Variants in SMYD3 observed in about 807,000 individuals in gnomAD.
SMYD3 encodes SET and MYND domain containing 3.
SMYD3 carries 36 observed loss-of-function variants against 57.7 expected under a neutral mutation model. The ratio of observed to expected loss-of-function variants is 0.62; its 90% CI spans 0.48 to 0.82. The LOEUF is 0.82. Among genes scored for constraint, SMYD3 ranks in the 40% least tolerant of loss-of-function variants. SMYD3 has a pLI of 0.00. For missense variants in SMYD3, 515 were observed against 538.8 expected (o/e 0.96, Z 0.44); for synonymous variants, 211 against 195.0 (o/e 1.08, Z -0.68).
intron 5 of SMYD3, among the ~76,000 whole-genome samples, chr1:246,211,178 C>T (rs1479489645): frequency 1.3e-5 from 2 of 152,080 alleles, no homozygotes; most frequent in Non-Finnish European, 2.9e-5. Context: ...GAGGGAAGGT[C>T]AGTATAACAC....
intron 8 of SMYD3, among the ~76,000 whole-genome samples, chr1:245,884,496 G>C (rs917191799): frequency 7.2e-5 from 11 of 152,252 alleles, no homozygotes; most frequent in Admixed American, 3.3e-4. Context: ...GGGCCTGAGA[G>C]ATTGGGTGGA....
Position 246,151,269 on chromosome 1 carries a change from G to C in SMYD3, c.531+175932C>G, listed in dbSNP as rs111819094. On this transcript the variant is annotated intron_variant, in intron 5 of 11. Transcript: ENST00000490107. ...TCAAAAAAAAAAAAAAAAATTCCTTGAGGGGAAAAAATAGCCCCACAGCCC... is the reference window on the plus strand; with the variant it reads ...TCAAAAAAAAAAAAAAAAATTCCTTCAGGGGAAAAAATAGCCCCACAGCCC... Among the ~76,000 whole-genome samples the C allele has an allele frequency of 1.5e-3, 233 of 151,026 alleles. 1 individual carries two copies. Among genetic ancestry groups the C allele is most frequent in the African/African-American group, 5.2e-3 (215 of 41,166 alleles).
At chr1:246,479,140 T>G (rs1572040842) in intron 1 of SMYD3, among the ~76,000 whole-genome samples, 1 of 151,562 alleles carries the variant, frequency 6.6e-6, no homozygotes. Flanking sequence ...GGTACACAAG[T>G]GCTCATATAT....
intron 5 of SMYD3, among the ~76,000 whole-genome samples, chr1:246,269,552 TTTTG>T (rs1419524392): frequency 6.6e-6 from 1 of 151,154 alleles, no homozygotes; most frequent in Non-Finnish European, 1.5e-5. Flanking sequence ...TCTTTTTTTT[TTTTG>T]TTTTTGTTGT....
chr1:245,906,192 C>A (rs2054551770), intron 8 of SMYD3, among the ~76,000 whole-genome samples: 2 of 152,158 alleles, frequency 1.3e-5, no homozygotes, highest in Admixed American at 6.5e-5. Context: ...AAACAATCAG[C>A]AAAGCGAAGA....
intron 5 of SMYD3, among the ~76,000 whole-genome samples, chr1:246,156,760 G>C (rs568457412): frequency 9.8e-5 from 15 of 152,328 alleles, no homozygotes; most frequent in African/African-American, 3.6e-4. Flanking sequence ...ACGAAAGGGA[G>C]AGTCACAGAA....
intron 1 of SMYD3, among the ~76,000 whole-genome samples, chr1:246,426,529 C>T (rs889493838): frequency 1.2e-4 from 18 of 152,084 alleles, no homozygotes; most frequent in African/African-American, 2.2e-4. Context: ...CTTTTATGTC[C>T]GGCTTCTTTC....
chr1:245,850,631 G>GA (rs2050921264), intron 10 of SMYD3, among the ~76,000 whole-genome samples: 1 of 151,986 alleles, frequency 6.6e-6, no homozygotes, highest in Non-Finnish European at 1.5e-5. Context: ...AGCCCAGGAA[G>GA]TAAACACTGC....
chr1:245,894,814 A>G (rs1423102912), intron 8 of SMYD3, among the ~76,000 whole-genome samples: 1 of 152,222 alleles, frequency 6.6e-6, no homozygotes, highest in African/African-American at 2.4e-5. Flanking sequence ...CTGGAGGCTT[A>G]TGAAGCCCCA....
At chr1:246,019,515 C>T (rs906214731) in intron 5 of SMYD3, among the ~76,000 whole-genome samples, 1 of 152,140 alleles carries the variant, frequency 6.6e-6, no homozygotes, top group African/African-American at 2.4e-5. Context: ...AATCCAAAAG[C>T]ATTGTCAAAA....
intron 10 of SMYD3, among the ~76,000 whole-genome samples, chr1:245,771,430 C>G (rs1253693954): frequency 6.6e-6 from 1 of 152,170 alleles, no homozygotes; most frequent in Non-Finnish European, 1.5e-5. Context: ...AAATGATGGA[C>G]TTCAGGAGAT....
chr1:246,287,615 G>A (rs887839181), intron 5 of SMYD3, among the ~76,000 whole-genome samples: 8 of 152,116 alleles, frequency 5.3e-5, no homozygotes, highest in Non-Finnish European at 8.8e-5. Context: ...CAAGTTTTGG[G>A]AATACTATTC....
chr1:245,763,495 A>G (rs1025673475), intron 11 of SMYD3, among the ~76,000 whole-genome samples: 5 of 152,130 alleles, frequency 3.3e-5, no homozygotes, highest in Admixed American at 3.3e-4. Flanking sequence ...AAGGCAGAGG[A>G]AAAAATAGCT....
At chr1:246,244,717 CAAG>C (rs2063673257) in intron 5 of SMYD3, among the ~76,000 whole-genome samples, 1 of 152,126 alleles carries the variant, frequency 6.6e-6, no homozygotes. Flanking sequence ...TAAAAAGGGA[CAAG>C]AAGCACTCCT....
At chr1:246,114,585 TCTC>T (rs1187973121) in intron 5 of SMYD3, among the ~76,000 whole-genome samples, 3 of 152,182 alleles carry the variant, frequency 2.0e-5, no homozygotes, top group African/African-American at 7.2e-5. Flanking sequence ...GACAGCCTCT[TCTC>T]TGCTGTGCCG....
intron 5 of SMYD3, among the ~76,000 whole-genome samples, chr1:245,951,942 T>C (rs2057667565): frequency 6.6e-6 from 1 of 152,184 alleles, no homozygotes; most frequent in Admixed American, 6.5e-5. Context: ...ACAGAATATA[T>C]TCACTAAAGG....
intron 1 of SMYD3, among the ~76,000 whole-genome samples, chr1:246,435,386 T>C (rs2067356008): frequency 6.6e-6 from 1 of 152,164 alleles, no homozygotes; most frequent in Non-Finnish European, 1.5e-5. Context: ...TATATACATT[T>C]TTTTCCAAAG....
chr1:245,849,395 T>G (rs976692119), intron 10 of SMYD3, among the ~76,000 whole-genome samples: 1 of 152,106 alleles, frequency 6.6e-6, no homozygotes, highest in African/African-American at 2.4e-5. Context: ...GATAAAGGTT[T>G]GAAGACCTCC....
At chr1:246,324,259 A>G (rs1307548480) in intron 5 of SMYD3, among the ~76,000 whole-genome samples, 1 of 151,998 alleles carries the variant, frequency 6.6e-6, no homozygotes, top group African/African-American at 2.4e-5. Flanking sequence ...TACTAAAAAT[A>G]CAAAAATTGG....
Sources: allele counts gnomAD v4.1 joint callset (sites outside exome capture counted in the v4.1 genomes callset), GRCh38; gene constraint gnomAD v4.1.1; transcripts MANE v1.5; gene names NCBI Gene and HGNC (gene_info 2026-07-23, HGNC 2026-07-21).